Variants in SLC25A13 observed in about 807,000 individuals in gnomAD.
The protein encoded by SLC25A13 is solute carrier family 25 member 13.
Under a neutral mutation model 85.5 loss-of-function variants are expected in SLC25A13, and 70 were observed. That is an observed-to-expected ratio of 0.82 (90% CI 0.68 to 1.00). The LOEUF (loss-of-function observed/expected upper bound fraction) is 1.00. Ranked by LOEUF, SLC25A13 falls within the 50% of genes least tolerant of loss-of-function variation. The pLI is 0.00. For missense variants in SLC25A13, 765 were observed against 819.8 expected (o/e 0.93, Z 0.82); for synonymous variants, 259 against 288.7 (o/e 0.90, Z 1.04).
intron 13 of SLC25A13, among the ~76,000 whole-genome samples, chr7:96,156,609 G>A (rs1793275375): frequency 6.6e-6 from 1 of 152,082 alleles, no homozygotes; most frequent in Admixed American, 6.6e-5. Context: ...CCGTCACCGC[G>A]CCTGGCTAAT....
intron 2 of SLC25A13, among the ~76,000 whole-genome samples, chr7:96,288,213 T>G (rs1798964933): frequency 6.6e-6 from 1 of 152,164 alleles, no homozygotes; most frequent in Non-Finnish European, 1.5e-5. Context: ...GGCAGATCAC[T>G]TGAGGTCAGA....
intron 2 of SLC25A13, among the ~76,000 whole-genome samples, chr7:96,289,540 T>C (rs1799031079): frequency 6.6e-6 from 1 of 151,924 alleles, no homozygotes; most frequent in South Asian, 2.1e-4. Flanking sequence ...CTAACTAAAA[T>C]AACCAGCGTA....
chr7:96,126,527 T>C (rs1791732931), intron 15 of SLC25A13, among the ~76,000 whole-genome samples: 1 of 152,178 alleles, frequency 6.6e-6, no homozygotes. Context: ...CTGAAGAAAG[T>C]ATAGTTGCCT....
intron 15 of SLC25A13, among the ~76,000 whole-genome samples, chr7:96,128,181 C>A (rs1182249822): frequency 6.6e-6 from 1 of 152,160 alleles, no homozygotes; most frequent in Non-Finnish European, 1.5e-5. Flanking sequence ...CATTACTAAT[C>A]TTTTTTCCTA....
chr7:96,131,651 TC>T, intron 15 of SLC25A13, 91 bp downstream of exon 15: 1 of 1,569,278 alleles, frequency 6.4e-7, no homozygotes, highest in South Asian at 1.1e-5. Context: ...TCAAGAACTA[TC>T]AGCAAAAAAA....
At chr7:96,128,707 T>C (rs1191860179) in intron 15 of SLC25A13, among the ~76,000 whole-genome samples, 1 of 150,866 alleles carries the variant, frequency 6.6e-6, no homozygotes, top group East Asian at 1.9e-4. Flanking sequence ...TGTATAACTA[T>C]GTAACAAACC....
intron 2 of SLC25A13, among the ~76,000 whole-genome samples, chr7:96,285,575 G>T (rs1025780021): frequency 6.6e-6 from 1 of 151,910 alleles, no homozygotes; most frequent in East Asian, 1.9e-4. Context: ...CTCTCCTAAG[G>T]GCCTTCCCTG....
intron 2 of SLC25A13, among the ~76,000 whole-genome samples, chr7:96,286,200 C>T (rs927779788): frequency 1.3e-5 from 2 of 149,956 alleles, no homozygotes; most frequent in African/African-American, 4.9e-5. Flanking sequence ...AGGAGGATGG[C>T]ATGAACCTGG....
At chr7:96,188,082 A>AG (rs1794705039) in intron 9 of SLC25A13, among the ~76,000 whole-genome samples, 1 of 152,278 alleles carries the variant, frequency 6.6e-6, no homozygotes, top group East Asian at 1.9e-4. Flanking sequence ...ATCTAAAAAA[A>AG]ACTTCTCTGC....
At chr7:96,142,185 A>G (rs1443189085) in intron 14 of SLC25A13, among the ~76,000 whole-genome samples, 1 of 152,192 alleles carries the variant, frequency 6.6e-6, no homozygotes, top group Non-Finnish European at 1.5e-5. Flanking sequence ...GATATATTGC[A>G]TGATGCTGAG....
chr7:96,277,934 T>G (rs997343005), intron 2 of SLC25A13, among the ~76,000 whole-genome samples: 2 of 152,116 alleles, frequency 1.3e-5, no homozygotes, highest in Non-Finnish European at 2.9e-5. Context: ...AACTACTAAG[T>G]GCGTGTCATC....
intron 11 of SLC25A13, among the ~76,000 whole-genome samples, chr7:96,178,237 G>A (rs1174746589): frequency 1.3e-5 from 2 of 152,132 alleles, no homozygotes; most frequent in Non-Finnish European, 2.9e-5. Flanking sequence ...CACGCTGAGC[G>A]GCTACTGTAA....
At chr7:96,190,797 G>C (rs1341703900) in intron 7 of SLC25A13, among the ~76,000 whole-genome samples, 2 of 152,126 alleles carry the variant, frequency 1.3e-5, no homozygotes, top group East Asian at 3.9e-4. Context: ...ATTTTTAGTA[G>C]AGACAGGGTT....
At chr7:96,187,618 G>C (rs188515059) in intron 9 of SLC25A13, among the ~76,000 whole-genome samples, 1 of 152,214 alleles carries the variant, frequency 6.6e-6, no homozygotes, top group African/African-American at 2.4e-5. Context: ...TATAGAGGGT[G>C]GGGGGAGGAG....
chr7:96,234,181 A>G (rs1210389930), intron 4 of SLC25A13, among the ~76,000 whole-genome samples: 2 of 152,190 alleles, frequency 1.3e-5, no homozygotes, highest in Non-Finnish European at 2.9e-5. Flanking sequence ...CTTTCTTCTA[A>G]GAATTTGAAA....
intron 3 of SLC25A13, among the ~76,000 whole-genome samples, chr7:96,254,359 A>G (rs1301734146): frequency 6.6e-6 from 1 of 152,176 alleles, no homozygotes; most frequent in Non-Finnish European, 1.5e-5. Flanking sequence ...TGGGAAGTAC[A>G]CCATTGGCTC....
chr7:96,230,553 C>T (rs1796505432), intron 4 of SLC25A13, among the ~76,000 whole-genome samples: 1 of 152,212 alleles, frequency 6.6e-6, no homozygotes, highest in African/African-American at 2.4e-5. Context: ...TCCTCACATA[C>T]AGAATCACAA....
At chr7:96,251,597 A>G (rs972654719) in intron 3 of SLC25A13, among the ~76,000 whole-genome samples, 2 of 152,220 alleles carry the variant, frequency 1.3e-5, no homozygotes, top group African/African-American at 4.8e-5. Context: ...TGAATCACTC[A>G]GTGGGAATGA....
intron 3 of SLC25A13, among the ~76,000 whole-genome samples, chr7:96,276,188 A>G (rs897477299): frequency 6.6e-6 from 1 of 152,214 alleles, no homozygotes; most frequent in Non-Finnish European, 1.5e-5. Flanking sequence ...TTACCTAGAG[A>G]AGGTTAGTTC....
Sources: gnomAD v4.1 joint callset for allele counts (sites outside exome capture counted in the v4.1 genomes callset) on GRCh38, gnomAD v4.1.1 for gene constraint, MANE v1.5 for transcripts, NCBI Gene and HGNC (gene_info 2026-07-23, HGNC 2026-07-21) for gene names.